Variants in PCSK6 observed in about 807,000 individuals in gnomAD.
PCSK6 encodes the protein paired basic amino acid cleaving enzyme 4.
In PCSK6, 85 loss-of-function variants were observed where a neutral mutation model predicts 123.3. The ratio of observed to expected loss-of-function variants is 0.69; its 90% CI spans 0.58 to 0.83. The LOEUF (loss-of-function observed/expected upper bound fraction) is 0.83, where lower values mean the gene tolerates loss of function less well. Ranked by LOEUF, PCSK6 falls within the 40% of genes least tolerant of loss-of-function variation. PCSK6 has a pLI of 0.00. For synonymous variants in PCSK6, 508 were observed against 516.0 expected (o/e 0.98, Z 0.21); for missense variants, 1,191 against 1,282.3 (o/e 0.93, Z 1.09).
At chr15:101,470,976 AC>A (rs1351524155) in intron 1 of PCSK6, among the ~76,000 whole-genome samples, 1 of 152,180 alleles carries the variant, frequency 6.6e-6, no homozygotes, top group African/African-American at 2.4e-5. Context: ...CAGGCAAGCA[AC>A]CCAGCCTACC....
chr15:101,424,361 C>T (rs1286410835), intron 6 of PCSK6, among the ~76,000 whole-genome samples: 2 of 150,600 alleles, frequency 1.3e-5, no homozygotes, highest in Admixed American at 6.6e-5. Flanking sequence ...CAGAATAACA[C>T]CTTTAAAGTG....
intron 12 of PCSK6, among the ~76,000 whole-genome samples, chr15:101,366,785 C>T (rs1388453088): frequency 6.6e-6 from 1 of 152,180 alleles, no homozygotes; most frequent in East Asian, 1.9e-4. Context: ...TCACCGAAGC[C>T]CAGAGAGTGC....
chr15:101,341,079 A>T (rs1007920177), intron 13 of PCSK6, among the ~76,000 whole-genome samples: 1 of 143,498 alleles, frequency 7.0e-6, no homozygotes, highest in Non-Finnish European at 1.5e-5. Context: ...GGGATTACAG[A>T]TGCCACCACC....
rs957381145 is a variant in PCSK6 at position 101,304,625 on chromosome 15, G to C, written c.*633C>G. ...AGCGCTGCGGGGGATAGAATCTTCT[G>C]GTCTGGCTTTGGAATTGGACTTTCT... On this transcript the variant is annotated 3_prime_UTR_variant, in exon 22 of 22. Transcript: ENST00000611716. 3.3e-5 allele frequency: 5 copies of C among 152,370 alleles called. No individual in the cohort carries two copies. Among genetic ancestry groups the C allele is most frequent in the African/African-American group, 1.2e-4 (5 of 41,436 alleles). The allele number at this position is 152,370 out of a possible 1,614,324, so 9.4% of individuals were successfully genotyped here.
At chr15:101,478,068 G>A (rs1159206524) in intron 1 of PCSK6, among the ~76,000 whole-genome samples, 2 of 152,040 alleles carry the variant, frequency 1.3e-5, no homozygotes, top group African/African-American at 2.4e-5. Flanking sequence ...GCCAAGCTCC[G>A]TGGCGGCTCA....
chr15:101,458,921 C>A (rs12719737), intron 1 of PCSK6, among the ~76,000 whole-genome samples: 2 of 151,980 alleles, frequency 1.3e-5, no homozygotes, highest in Admixed American at 1.3e-4. Flanking sequence ...TTCATTTAAC[C>A]ACCCCGACAT....
intron 13 of PCSK6, among the ~76,000 whole-genome samples, chr15:101,338,317 A>G (rs1441488904): frequency 1.3e-5 from 2 of 152,154 alleles, no homozygotes; most frequent in Non-Finnish European, 2.9e-5. Flanking sequence ...TGGAGGCTTT[A>G]GTTTTCAGGA....
chr15:101,462,051 A>G (rs2057351999), intron 1 of PCSK6, among the ~76,000 whole-genome samples: 1 of 152,240 alleles, frequency 6.6e-6, no homozygotes, highest in Non-Finnish European at 1.5e-5. Context: ...TGATATGACT[A>G]TCTACATAGA....
intron 12 of PCSK6, among the ~76,000 whole-genome samples, chr15:101,369,286 G>C (rs1324785030): frequency 2.6e-5 from 4 of 152,244 alleles, no homozygotes; most frequent in Non-Finnish European, 4.4e-5. Context: ...CATACAAAGT[G>C]GTGGGGAGGG....
At position 101,398,592 on chromosome 15, in the gene PCSK6, A is replaced by C. The variant is rs752490972; in HGVS notation, c.824-16T>G. On this transcript the variant is annotated splice_polypyrimidine_tract_variant and intron_variant, in intron 6 of 21. Transcript: ENST00000611716. The surrounding 1 kb of genome is among the most constrained non-coding windows in gnomAD (Gnocchi z 4.6). Reference sequence around the variant, plus strand: ...ATGCGGATGCCTGAAAGCACAGAGGAGGCTCGGTGTCGGCGCCCAGGCTCC... The same window carrying C: ...ATGCGGATGCCTGAAAGCACAGAGGCGGCTCGGTGTCGGCGCCCAGGCTCC... 8.8e-6 allele frequency: 14 copies of C among 1,599,714 alleles called. No individual in the cohort carries two copies. The highest frequency in any genetic ancestry group is 7.7e-5 in the South Asian group (7 of 90,738).
At chr15:101,387,208 G>A (rs1312807037) in intron 9 of PCSK6, among the ~76,000 whole-genome samples, 4 of 152,144 alleles carry the variant, frequency 2.6e-5, no homozygotes, top group Admixed American at 2.0e-4. Flanking sequence ...CGGCCCACAC[G>A]CCAACCTCAC....
At chr15:101,333,291 C>T (rs751387864) in intron 13 of PCSK6, among the ~76,000 whole-genome samples, 31 of 152,336 alleles carry the variant, frequency 2.0e-4, no homozygotes, top group South Asian at 4.1e-4. Flanking sequence ...GGCTCCCGGA[C>T]GCCCCAGCCT....
chr15:101,321,499 A>G (rs1377433478), intron 18 of PCSK6, among the ~76,000 whole-genome samples: 1 of 152,272 alleles, frequency 6.6e-6, no homozygotes, highest in East Asian at 1.9e-4. Context: ...TCTACTTCAC[A>G]GGTTGCTGCA....
intron 11 of PCSK6, among the ~76,000 whole-genome samples, chr15:101,380,237 A>C (rs2041876648): frequency 6.6e-6 from 1 of 152,212 alleles, no homozygotes; most frequent in Non-Finnish European, 1.5e-5. Context: ...AAATAAAATA[A>C]AAATAAAAAC....
chr15:101,402,511 A>C (rs1234434763), intron 6 of PCSK6, among the ~76,000 whole-genome samples: 1 of 152,202 alleles, frequency 6.6e-6, no homozygotes. Context: ...AAATTTTCGC[A>C]ACCTACTCAT....
At chr15:101,375,138 A>G (rs1440576827) in intron 11 of PCSK6, among the ~76,000 whole-genome samples, 1 of 152,060 alleles carries the variant, frequency 6.6e-6, no homozygotes, top group Non-Finnish European at 1.5e-5. Flanking sequence ...TTTTTAGTAG[A>G]GATGGGGTTT....
Position 101,307,000 on chromosome 15 carries a change from G to A in PCSK6, c.2812+213C>T, listed in dbSNP as rs1006432085. On this transcript the variant is annotated intron_variant, in intron 21 of 21. Transcript: ENST00000611716. ...TCAGCAGTGGCTGGGATGCCTCTCT[G>A]ATCGATGTGAGAGGCCTAGAGGGAA... Among the ~76,000 whole-genome samples the A allele has an allele frequency of 8.5e-5, 13 of 152,234 alleles. No homozygotes were observed. The South Asian group carries it at 2.7e-3, about 32-fold the overall frequency.
At chr15:101,422,866 C>T (rs1567209555) in intron 6 of PCSK6, among the ~76,000 whole-genome samples, 3 of 152,188 alleles carry the variant, frequency 2.0e-5, no homozygotes, top group Admixed American at 6.5e-5. Flanking sequence ...CGGGATCCAC[C>T]CGCCTCAGCC....
chr15:101,427,884 G>A lies in PCSK6; in HGVS notation c.823+8C>T, dbSNP rs753115928. 14 of 1,557,224 alleles carry A rather than the reference G, an allele frequency of 9.0e-6. No homozygotes were observed. Among genetic ancestry groups the A allele is most frequent in the South Asian group, 4.7e-5 (4 of 84,506 alleles). On this transcript the variant is annotated splice_region_variant and intron_variant, in intron 6 of 21. Transcript: ENST00000611716. ...CCTCGGCTCGCAGGCTGCCACGCCC[G>A]GCCTTACCTCCTATTTTGGCATTGT...
Sources: gnomAD v4.1 joint callset for allele counts (sites outside exome capture counted in the v4.1 genomes callset) on GRCh38, gnomAD v4.1.1 for gene constraint, Gnocchi (gnomAD v3.1) non-coding constraint, MANE v1.5 for transcripts, NCBI Gene and HGNC (gene_info 2026-07-23, HGNC 2026-07-21) for gene names.